ABCA7: variants seen among roughly 807,000 people sequenced by gnomAD.
ABCA7 encodes ATP binding cassette subfamily A member 7.
Under a neutral mutation model 227.6 loss-of-function variants are expected in ABCA7, and 261 were observed. The observed-to-expected ratio is 1.15, with a 90% confidence interval of 1.04 to 1.27. The LOEUF (loss-of-function observed/expected upper bound fraction) is 1.27. Among genes scored for constraint, ABCA7 ranks in the 50% most tolerant of loss-of-function variants. ABCA7 has a pLI of 0.00. For missense variants in ABCA7, 3,331 were observed against 2,924.5 expected, an observed-to-expected ratio of 1.14 and a Z score of -3.21; for synonymous variants, 1,488 against 1,279.7, an observed-to-expected ratio of 1.16 and a Z score of -3.47.
chr19:1,058,526 C>A, intron 37 of ABCA7, 92 bp from the exon 38 acceptor site: 1 of 1,568,382 alleles, frequency 6.4e-7, no homozygotes, highest in East Asian at 2.3e-5. Flanking sequence ...AATTTGTGTT[C>A]CTTTCCCTTA....
rs757150925 is a variant in ABCA7 at position 1,043,020 on chromosome 19, C to T, written c.580-21C>T. On this transcript the variant is annotated intron_variant, in intron 7 of 46. Coordinates refer to ENST00000263094, the MANE Select transcript of ABCA7 (RefSeq NM_019112.4). Reference sequence around the variant, plus strand: ...TTGGAGGTGGGATCATTGCCAGCTCCGTCTGGTAACCTCTCTCTAGCTCCT... The same window carrying T: ...TTGGAGGTGGGATCATTGCCAGCTCTGTCTGGTAACCTCTCTCTAGCTCCT... The T allele has an allele frequency of 1.4e-5, 22 of 1,580,036 alleles. 2 individuals are homozygous for T. In the East Asian group the frequency reaches 1.8e-4, roughly 13 times the overall value.
At chr19:1,061,985 C>T in intron 41 of ABCA7, 97 bp downstream of exon 41, 1 of 1,435,348 alleles carries the variant, frequency 7.0e-7, no homozygotes, top group South Asian at 1.3e-5. Context: ...ACTGGGCTCA[C>T]TGCCCCACAC....
Position 1,048,872 on chromosome 19 carries a change from A to G in ABCA7, c.2270-23A>G, listed in dbSNP as rs780936539. The G allele has an allele frequency of 3.4e-6, 5 of 1,472,190 alleles. 1 individual carries two copies. The Admixed American group carries it at 9.9e-5, about 29-fold the overall frequency. 91.2% of individuals were successfully genotyped at this position (1,472,190 alleles called of 1,614,324 possible). ...ACACTCCTGGGGGGTGGGCTAAGCA[A>G]TAACCCGCGCCCCTCCCCGCAGGCC... is the stretch of plus-strand genomic sequence containing the variant. On this transcript the variant is annotated intron_variant, in intron 16 of 46. Coordinates refer to ENST00000263094, the MANE Select transcript of ABCA7 (RefSeq NM_019112.4).
intron 13 of ABCA7, 55 bp from the exon 14 acceptor site, chr19:1,046,747 G>C: frequency 6.7e-7 from 1 of 1,488,836 alleles, no homozygotes; most frequent in Non-Finnish European, 9.0e-7. Flanking sequence ...GATGGTGGGC[G>C]GAGGGGGGGT....
At chr19:1,043,704 T>G in intron 9 of ABCA7, 21 bp from the exon 10 acceptor site, 1 of 1,608,654 alleles carries the variant, frequency 6.2e-7, no homozygotes. Flanking sequence ...GGGTCATCAG[T>G]GGAGGGGGTG....
At position 1,054,557 on chromosome 19, in the gene ABCA7, G is replaced by T; in HGVS notation, c.3727-13G>T. ...GGTGGATGGAAGCAGCAGCTGATGGGCTGGTCCCCCAGATCGTGCTGCCTG... is the reference window on the plus strand; with the variant it reads ...GGTGGATGGAAGCAGCAGCTGATGGTCTGGTCCCCCAGATCGTGCTGCCTG... On this transcript the variant is annotated splice_polypyrimidine_tract_variant and intron_variant, in intron 27 of 46. Transcript: ENST00000263094. This position sits in a 1 kb window ranked among gnomAD's most constrained non-coding sequence, Gnocchi z 4.8. 1 of 1,606,208 alleles carries T rather than the reference G, an allele frequency of 6.2e-7. No individual in the cohort carries two copies. Among genetic ancestry groups the T allele is most frequent in the Non-Finnish European group, 8.5e-7 (1 of 1,176,078 alleles).
At chr19:1,061,729 C>T in intron 40 of ABCA7, 53 bp from the exon 41 acceptor site, 1 of 1,492,158 alleles carries the variant, frequency 6.7e-7, no homozygotes, top group Non-Finnish European at 9.1e-7. Context: ...ATCAGAGATG[C>T]CGGAACCAGG....
intron 16 of ABCA7, 80 bp downstream of exon 16, chr19:1,047,734 C>G: frequency 1.7e-5 from 18 of 1,078,118 alleles, no homozygotes; most frequent in East Asian, 4.3e-5. Context: ...GCCTCCAGGC[C>G]GTTTGGGGGT....
At chr19:1,059,253 T>G in intron 40 of ABCA7, 168 bp downstream of exon 40, 1 of 203,160 alleles carries the variant, frequency 4.9e-6, no homozygotes, top group East Asian at 1.3e-4. Flanking sequence ...ATATTATTAT[T>G]TATTTATTTA....
chr19:1,063,979 G>T (rs549961751), intron 44 of ABCA7, 116 bp downstream of exon 44: 2 of 1,378,292 alleles, frequency 1.5e-6, no homozygotes, highest in Admixed American at 5.3e-5. Context: ...GGGCGAGGGC[G>T]CCAGGCCCCG....
At chr19:1,047,426 G>T in intron 15 of ABCA7, 27 bp from the exon 16 acceptor site, 3 of 1,537,868 alleles carry the variant, frequency 2.0e-6, no homozygotes, top group Non-Finnish European at 2.6e-6. Context: ...CGCTTCGGCC[G>T]CTCACTGACC....
At chr19:1,046,429 G>C in intron 13 of ABCA7, 23 bp downstream of exon 13, 2 of 1,520,814 alleles carry the variant, frequency 1.3e-6, no homozygotes, top group African/African-American at 1.4e-5. Context: ...ACCCCTCCCC[G>C]CTCTTCCCCG....
chr19:1,053,565 G>A, intron 24 of ABCA7, 34 bp downstream of exon 24: 1 of 1,547,828 alleles, frequency 6.5e-7, no homozygotes, highest in Non-Finnish European at 8.7e-7. Flanking sequence ...GGTGGGGCCA[G>A]GAGGAGGGCT....
intron 16 of ABCA7, among the ~76,000 whole-genome samples, chr19:1,048,532 G>C: frequency 7.0e-6 from 1 of 143,062 alleles, no homozygotes; most frequent in Non-Finnish European, 1.5e-5. Flanking sequence ...AAACAAGGCC[G>C]GGCACGGTGG....
chr19:1,053,841 G>T lies in ABCA7; in HGVS notation c.3472+5G>T. On this transcript the variant is annotated splice_donor_5th_base_variant and intron_variant, in intron 25 of 46. Coordinates refer to ENST00000263094, the MANE Select transcript of ABCA7 (RefSeq NM_019112.4). ...CTGCGGACACAGATATGGAGGGTGC[G>T]GCCACAGCTCCCTGACCCCTGACCC... 6.2e-7 allele frequency: 1 copy of T among 1,609,508 alleles called. No homozygotes were observed. Among genetic ancestry groups the T allele is most frequent in the Non-Finnish European group, 8.5e-7 (1 of 1,176,900 alleles).
At position 1,054,989 on chromosome 19, in the gene ABCA7, G is replaced by T; in HGVS notation, c.3951-108G>T. On this transcript the variant is annotated intron_variant, in intron 29 of 46. Coordinates refer to ENST00000263094, the MANE Select transcript of ABCA7 (RefSeq NM_019112.4). The surrounding 1 kb of genome is among the most constrained non-coding windows in gnomAD (Gnocchi z 4.8). ...CCTGGAGCATCCCCTGTGCCCACCT[G>T]GGAGCTGGGAGCCTCTGTGGCTCCA... 6.5e-7 allele frequency: 1 copy of T among 1,530,592 alleles called. No individual in the cohort carries two copies. Among genetic ancestry groups the T allele is most frequent in the Non-Finnish European group, 8.8e-7 (1 of 1,136,604 alleles). 94.8% of individuals were successfully genotyped at this position (1,530,592 alleles called of 1,614,324 possible).
Position 1,062,295 on chromosome 19 carries a change from G to A in ABCA7, c.5694G>A (p.Pro1898=), listed in dbSNP as rs763746504. The part of the protein sequence containing the change: ...LELLARLRGV[P]EAQVAQTAGS... The stretch of plus-strand genomic sequence containing the variant: ...TGCTTGCGCGCCTGCGCGGTGTCCC[G>A]GAGGCCCAGGTTGCCCAGGTGAGCC... The change falls in exon 42 of 47, where the codon CCG becomes CCA. Residue 1898 remains proline (P), a synonymous_variant. Coordinates refer to ENST00000263094, the MANE Select transcript of ABCA7 (RefSeq NM_019112.4). 11 of 1,606,008 alleles carry A rather than the reference G, an allele frequency of 6.8e-6. No homozygotes were observed. The African/African-American group carries it at 8.0e-5, about 12-fold the overall frequency.
chr19:1,056,198 CCTCACAGCCTGGG>C lies in ABCA7; in HGVS notation c.4384_4396del (p.Ala1462MetfsTer52), dbSNP rs1238349607. ...GGGCCCTCGACCGTGTCCTGAAAAA[CCTCACAGCCTGGG>C]CTCACAGCCTGGATGCTCAGGACAG... On this transcript the variant is annotated frameshift_variant, in exon 32 of 47. Transcript: ENST00000263094. LOFTEE classifies it high-confidence loss of function. The surrounding 1 kb of genome is among the most constrained non-coding windows in gnomAD (Gnocchi z 4.3). 1.9e-6 allele frequency: 3 copies of C among 1,604,986 alleles called. No homozygotes were observed. The highest frequency in any genetic ancestry group is 1.7e-5 in the Admixed American group (1 of 59,718).
chr19:1,043,299 C>A (rs1250782240), intron 8 of ABCA7, 35 bp from the exon 9 acceptor site: 3 of 1,612,254 alleles, frequency 1.9e-6, no homozygotes, highest in Non-Finnish European at 2.5e-6. Context: ...GAACTCTGGG[C>A]AGGGGGGCAG....
Sources: gnomAD v4.1 joint callset for allele counts (sites outside exome capture counted in the v4.1 genomes callset) on GRCh38, gnomAD v4.1.1 for gene constraint, Gnocchi (gnomAD v3.1) non-coding constraint, MANE v1.5 for transcripts, NCBI Gene and HGNC (gene_info 2026-07-23, HGNC 2026-07-21) for gene names.